Variants in OPTC observed in about 807,000 individuals in gnomAD.
The protein encoded by OPTC is oculoglycan.
A neutral mutation model predicts 25.4 loss-of-function variants in OPTC; 22 were observed. The ratio of observed to expected loss-of-function variants is 0.87; its 90% CI spans 0.62 to 1.24. OPTC has a LOEUF of 1.24. OPTC is among the 50% of genes most tolerant of loss of function. OPTC has a pLI of 0.00. For missense variants in OPTC, 417 were observed against 425.2 expected, an observed-to-expected ratio of 0.98 and a Z score of 0.17; for synonymous variants, 169 against 179.3, an observed-to-expected ratio of 0.94 and a Z score of 0.46.
chr1:203,503,485 G>T, intron 6 of OPTC, 65 bp from the exon 7 acceptor site: 1 of 1,524,852 alleles, frequency 6.6e-7, no homozygotes, highest in East Asian at 2.2e-5. Context: ...GCTGATGTGA[G>T]CCTTTGGTGC....
At chr1:203,499,519 C>T in intron 4 of OPTC, 130 bp from the exon 5 acceptor site, 1 of 818,354 alleles carries the variant, frequency 1.2e-6, no homozygotes. Context: ...GGGCCTAGTG[C>T]AGGTGGAGAG....
At chr1:203,499,906 C>T in intron 5 of OPTC, 55 bp downstream of exon 5, 1 of 1,393,842 alleles carries the variant, frequency 7.2e-7, no homozygotes, top group Non-Finnish European at 1.0e-6. Context: ...ACCTCTACCA[C>T]CACCCACCTC....
chr1:203,503,113 G>T, intron 6 of OPTC, 104 bp downstream of exon 6: 1 of 865,010 alleles, frequency 1.2e-6, no homozygotes, highest in Non-Finnish European at 1.9e-6. Context: ...TTAGGCAGCT[G>T]TGGGGTCTCC....
intron 4 of OPTC, 144 bp from the exon 5 acceptor site, chr1:203,499,505 G>T: frequency 2.6e-6 from 2 of 782,886 alleles, no homozygotes; most frequent in Non-Finnish European, 4.6e-6. Flanking sequence ...ATTTCCTCTG[G>T]TTTGGGCCTA....
At chr1:203,506,551 C>T (rs1466265711) in intron 7 of OPTC, among the ~76,000 whole-genome samples, 4 of 152,082 alleles carry the variant, frequency 2.6e-5, no homozygotes, top group East Asian at 1.9e-4. Context: ...ACATGCCTCT[C>T]GGTTACTCTT....
At chr1:203,499,250 G>C (rs1014898983) in intron 4 of OPTC, among the ~76,000 whole-genome samples, 1 of 152,024 alleles carries the variant, frequency 6.6e-6, no homozygotes, top group African/African-American at 2.4e-5. Context: ...GCTTGAGACA[G>C]GAGACCTGGG....
At chr1:203,497,470 A>G (rs1661298910) in intron 3 of OPTC, among the ~76,000 whole-genome samples, 1 of 152,230 alleles carries the variant, frequency 6.6e-6, no homozygotes, top group Admixed American at 6.5e-5. Flanking sequence ...AAGCCTGTAG[A>G]GAAGAATAAC....
At chr1:203,502,349 A>T (rs1661403818) in intron 5 of OPTC, among the ~76,000 whole-genome samples, 1 of 152,146 alleles carries the variant, frequency 6.6e-6, no homozygotes, top group African/African-American at 2.4e-5. Context: ...CCTCACCCAG[A>T]GCATGGACGA....
intron 3 of OPTC, 90 bp downstream of exon 3, chr1:203,497,205 G>T (rs1661295397): frequency 2.4e-5 from 35 of 1,438,802 alleles, no homozygotes; most frequent in Non-Finnish European, 3.3e-5. Flanking sequence ...GTGGAACGTG[G>T]TTGGGGTTGG....
At chr1:203,496,629 A>C (rs1661285497) in intron 2 of OPTC, among the ~76,000 whole-genome samples, 1 of 152,162 alleles carries the variant, frequency 6.6e-6, no homozygotes, top group African/African-American at 2.4e-5. Context: ...CAAGCCCAGA[A>C]GCCCCTACTC....
At chr1:203,505,463 A>C (rs933719186) in intron 7 of OPTC, among the ~76,000 whole-genome samples, 2 of 152,196 alleles carry the variant, frequency 1.3e-5, no homozygotes, top group African/African-American at 4.8e-5. Flanking sequence ...GTGGTCCCCG[A>C]GTCTGGAGGG....
chr1:203,500,393 C>A (rs1661373106), intron 5 of OPTC, among the ~76,000 whole-genome samples: 1 of 138,040 alleles, frequency 7.2e-6, no homozygotes, highest in Non-Finnish European at 1.6e-5. Flanking sequence ...TGCACCTCCA[C>A]CTCCACCACC....
chr1:203,496,150 G>T lies in OPTC; in HGVS notation c.145G>T (p.Asp49Tyr). ...CTTTGAAGTTCTGCCTCTGCGGAAT[G>T]ATGTCCTGAACCCAGACAACTATGG... ...DSFEVLPLRNDVLNPDNYGEV... is the reference protein window; with the variant it reads ...DSFEVLPLRNYVLNPDNYGEV... Residue 49 changes from aspartate to tyrosine, a missense_variant, in exon 2 of 8, where the codon GAT becomes TAT. Transcript: ENST00000367222. 1 of 1,614,174 alleles carries T rather than the reference G, an allele frequency of 6.2e-7. No homozygotes were observed. The highest frequency in any genetic ancestry group is 1.1e-5 in the South Asian group (1 of 91,084).
chr1:203,498,550 A>T lies in OPTC; in HGVS notation c.371-131A>T, dbSNP rs1043132925. 8.0e-5 allele frequency: 83 copies of T among 1,032,552 alleles called. No homozygotes were observed. The Admixed American group carries it at 1.4e-3, about 18-fold the overall frequency. The allele number at this position is 1,032,552 out of a possible 1,614,324, so 64.0% of individuals were successfully genotyped here. On this transcript the variant is annotated intron_variant, in intron 3 of 7. Coordinates refer to ENST00000367222, the MANE Select transcript of OPTC (RefSeq NM_014359.4). The stretch of plus-strand genomic sequence containing the variant: ...CAGCACCGTGTACATGGTGCCCGTC[A>T]GTTCTGGGCAGCAACCCATAGGCTA...
intron 5 of OPTC, 144 bp from the exon 6 acceptor site, chr1:203,502,770 C>A: frequency 1.4e-6 from 1 of 716,614 alleles, no homozygotes; most frequent in Non-Finnish European, 2.5e-6. Context: ...CCTGTGGCAC[C>A]CAGCACAGAG....
rs373443760 is a variant in OPTC, at chr1:203,496,025, T to G, written c.20T>G (p.Leu7Arg). The change falls in exon 2 of 8, where the codon CTG (leucine) becomes CGG (arginine). Residue 7 changes from leucine to arginine, a missense_variant. Coordinates refer to ENST00000367222, the MANE Select transcript of OPTC (RefSeq NM_014359.4). ...CTCCCCATGAGGCTCCTGGCTTTCCTGAGTCTGCTGGCCTTGGTGCTGCAG... is the reference window on the plus strand; with the variant it reads ...CTCCCCATGAGGCTCCTGGCTTTCCGGAGTCTGCTGGCCTTGGTGCTGCAG... MRLLAF[L>R]SLLALVLQET... 6.8e-5 allele frequency: 109 copies of G among 1,612,954 alleles called. 1 individual carries two copies. Among genetic ancestry groups the G allele is most frequent in the Non-Finnish European group, 8.6e-5 (102 of 1,179,576 alleles).
intron 7 of OPTC, 138 bp downstream of exon 7, chr1:203,503,883 T>C: frequency 1.3e-6 from 1 of 753,132 alleles, no homozygotes; most frequent in Non-Finnish European, 2.3e-6. Context: ...TGCACACGCA[T>C]GCATACACAC....
intron 5 of OPTC, among the ~76,000 whole-genome samples, chr1:203,500,422 C>T (rs2102222420): frequency 6.9e-6 from 1 of 144,998 alleles, no homozygotes; most frequent in Non-Finnish European, 1.5e-5. Context: ...CCTCCACTGC[C>T]ACCACCACCA....
chr1:203,502,934 C>G lies in OPTC; in HGVS notation c.753C>G (p.Phe251Leu). The G allele has an allele frequency of 1.3e-5, 21 of 1,613,924 alleles. No homozygotes were observed. The highest frequency in any genetic ancestry group is 1.8e-5 in the Non-Finnish European group (21 of 1,180,006). Residue 251 changes from phenylalanine (F) to leucine (L), a missense_variant, in exon 6 of 8, where the codon TTC becomes TTG. By Grantham distance (22) the Phe-to-Leu change is conservative (BLOSUM62 0). Coordinates refer to ENST00000367222, the MANE Select transcript of OPTC (RefSeq NM_014359.4). The stretch of plus-strand genomic sequence containing the variant: ...CACAGGCAATGGAGAAGCTGCAGTT[C>G]CTTTACCTGTCAGACAACCTGCTGG... ...AAFRAMEKLQ[F>L]LYLSDNLLDS... is the part of the protein sequence containing the mutation.
Sources: allele counts gnomAD v4.1 joint callset (sites outside exome capture counted in the v4.1 genomes callset), GRCh38; gene constraint gnomAD v4.1.1; transcripts MANE v1.5; gene names NCBI Gene and HGNC (gene_info 2026-07-23, HGNC 2026-07-21).